RBFOX1: variants seen among roughly 807,000 people sequenced by gnomAD.
The protein encoded by RBFOX1 is RNA binding fox-1 homolog 1.
Under a neutral mutation model 57.7 loss-of-function variants are expected in RBFOX1, and 8 were observed. The observed-to-expected ratio is 0.14, with a 90% CI of 0.08 to 0.25. The LOEUF is 0.25. Ranked by LOEUF, RBFOX1 falls within the 10% of genes least tolerant of loss-of-function variation. The pLI is 1.00. For synonymous variants in RBFOX1, 326 were observed against 222.4 expected (o/e 1.47, Z -4.15); for missense variants, 611 against 548.5 (o/e 1.11, Z -1.14).
At chr16:6,875,006 T>A (rs1215663602) in intron 3 of RBFOX1, among the ~76,000 whole-genome samples, 1 of 152,156 alleles carries the variant, frequency 6.6e-6, no homozygotes, top group Non-Finnish European at 1.5e-5. Context: ...TGATTCCAAG[T>A]TGGGCAGAAA....
intron 1 of RBFOX1, among the ~76,000 whole-genome samples, chr16:6,239,296 C>G (rs1470609329): frequency 1.3e-5 from 2 of 151,852 alleles, no homozygotes; most frequent in Non-Finnish European, 2.9e-5. Context: ...TCTTACAGTC[C>G]TTGTTGGGGT....
At chr16:5,992,062 T>C (rs2060409542) in intron 4 of RBFOX1, among the ~76,000 whole-genome samples, 1 of 152,162 alleles carries the variant, frequency 6.6e-6, no homozygotes, top group African/African-American at 2.4e-5. Context: ...TGAGCTTTAA[T>C]GTAAGGAGAG....
chr16:6,543,692 A>C (rs2096855823), intron 2 of RBFOX1, among the ~76,000 whole-genome samples: 1 of 152,116 alleles, frequency 6.6e-6, no homozygotes. Flanking sequence ...AGGAGAACCT[A>C]CGGGATTATG....
At chr16:6,244,214 G>T (rs2152931375) in intron 1 of RBFOX1, among the ~76,000 whole-genome samples, 1 of 151,392 alleles carries the variant, frequency 6.6e-6, no homozygotes, top group Non-Finnish European at 1.5e-5. Context: ...CTAAAATGGA[G>T]ATTTGGTTAT....
At chr16:7,047,097 A>G (rs1325809709) in intron 3 of RBFOX1, among the ~76,000 whole-genome samples, 1 of 151,272 alleles carries the variant, frequency 6.6e-6, no homozygotes, top group East Asian at 1.9e-4. Flanking sequence ...AATGAACTCA[A>G]GAGTCCAGTC....
intron 4 of RBFOX1, among the ~76,000 whole-genome samples, chr16:7,403,279 A>G (rs75690076): frequency 0.07 from 10,686 of 152,150 alleles, 422 homozygotes; most frequent in East Asian, 0.19. Flanking sequence ...TCAAGTATAC[A>G]ATACAGTATC....
chr16:7,483,383 C>G (rs537579293), intron 4 of RBFOX1, among the ~76,000 whole-genome samples: 1 of 152,180 alleles, frequency 6.6e-6, no homozygotes, highest in Non-Finnish European at 1.5e-5. Flanking sequence ...TTTATCTCTT[C>G]TAGATTCATT....
intron 11 of RBFOX1, among the ~76,000 whole-genome samples, chr16:7,643,916 G>T (rs1438502212): frequency 6.6e-6 from 1 of 152,166 alleles, no homozygotes; most frequent in African/African-American, 2.4e-5. Flanking sequence ...AGCATATTGA[G>T]ATCTCTGGGA....
At chr16:6,536,460 C>G (rs907197278) in intron 2 of RBFOX1, among the ~76,000 whole-genome samples, 1 of 152,172 alleles carries the variant, frequency 6.6e-6, no homozygotes, top group Non-Finnish European at 1.5e-5. Context: ...TATGGGACAT[C>G]CCTCATAAAT....
chr16:7,510,382 C>G (rs951439190), intron 4 of RBFOX1: 72 of 967,146 alleles, frequency 7.4e-5, no homozygotes, highest in Non-Finnish European at 8.7e-5. Context: ...GAAAGCTTTT[C>G]TTGTGTTAAG....
rs61321997 is a variant in RBFOX1, at chr16:5,355,857, G to A, written c.220-111359G>A. ...TGTAATCCCAGCCCTTTCGGAGGCC[G>A]AGGCAGGTGAATCGCCTGAGACTAG... On this transcript the variant is annotated intron_variant, in intron 1 of 2. Transcript: ENST00000585867. Among the ~76,000 whole-genome samples the A allele has an allele frequency of 8.9e-3, 1,348 of 152,238 alleles. 22 individuals are homozygous for A. Among genetic ancestry groups the A allele is most frequent in the African/African-American group, 0.031 (1,269 of 41,532 alleles).
intron 2 of RBFOX1, among the ~76,000 whole-genome samples, chr16:5,553,047 C>G (rs766557218): frequency 6.6e-6 from 1 of 152,142 alleles, no homozygotes; most frequent in Non-Finnish European, 1.5e-5. Context: ...AAACAAAACA[C>G]CGCATGTTCT....
intron 3 of RBFOX1, among the ~76,000 whole-genome samples, chr16:5,641,895 C>G (rs531512976): frequency 1.3e-5 from 2 of 152,100 alleles, no homozygotes; most frequent in African/African-American, 4.8e-5. Context: ...GGAGTTTGCT[C>G]AGGAGAAGGC....
At chr16:6,961,901 C>T (rs960166907) in intron 3 of RBFOX1, among the ~76,000 whole-genome samples, 3 of 152,160 alleles carry the variant, frequency 2.0e-5, no homozygotes, top group South Asian at 2.1e-4. Context: ...TCACCACATC[C>T]TGTTTTATCA....
intron 3 of RBFOX1, among the ~76,000 whole-genome samples, chr16:6,904,667 A>G (rs774935652): frequency 1.4e-5 from 2 of 147,130 alleles, no homozygotes; most frequent in Non-Finnish European, 3.0e-5. Flanking sequence ...CTTGTACCTG[A>G]GGACTGTTTG....
At position 7,644,056 on chromosome 16, in the gene RBFOX1, C is replaced by T. The variant is rs571020246; in HGVS notation, c.758-9759C>T. 2.6e-5 allele frequency among the ~76,000 whole-genome samples: 4 copies of T among 152,274 alleles called. No homozygotes were observed. The South Asian group carries it at 8.3e-4, about 32-fold the overall frequency. On this transcript the variant is annotated intron_variant, in intron 11 of 15. Coordinates refer to ENST00000550418, the MANE Select transcript of RBFOX1 (RefSeq NM_018723.4). ...TACAGGCAATAGGAGGGAATCCAAACTGAGAGTCTCTAAGAAGCAGAGAGA... is the reference window on the plus strand; with the variant it reads ...TACAGGCAATAGGAGGGAATCCAAATTGAGAGTCTCTAAGAAGCAGAGAGA...
chr16:7,058,169 A>G (rs10500345), intron 4 of RBFOX1, among the ~76,000 whole-genome samples: 6,824 of 152,176 alleles, frequency 0.045, 310 homozygotes, highest in East Asian at 0.2. Flanking sequence ...CGTCTTACTC[A>G]CAGCTTTCAG....
At chr16:7,576,260 A>C (rs2093332231) in intron 5 of RBFOX1, among the ~76,000 whole-genome samples, 1 of 152,104 alleles carries the variant, frequency 6.6e-6, no homozygotes. Context: ...GGAAAAGTAA[A>C]GTGAAGGTCA....
intron 5 of RBFOX1, among the ~76,000 whole-genome samples, chr16:7,573,260 C>A (rs2152790255): frequency 6.6e-6 from 1 of 152,228 alleles, no homozygotes; most frequent in Middle Eastern, 3.4e-3. Flanking sequence ...AGCAAAGAGG[C>A]CAACAAGCGA....
Sources: gnomAD v4.1 joint callset for allele counts (sites outside exome capture counted in the v4.1 genomes callset) on GRCh38, gnomAD v4.1.1 for gene constraint, MANE v1.5 for transcripts, NCBI Gene and HGNC (gene_info 2026-07-23, HGNC 2026-07-21) for gene names.